Variants in DLC1 observed in about 807,000 individuals in gnomAD.
The protein encoded by DLC1 is DLC1 Rho GTPase activating protein, also known as rho GTPase-activating protein 7.
A neutral mutation model predicts 140.3 loss-of-function variants in DLC1; 54 were observed. The ratio of observed to expected loss-of-function variants is 0.38; its 90% CI spans 0.31 to 0.48. DLC1 has a LOEUF of 0.48. Ranked by LOEUF, DLC1 falls within the 20% of genes least tolerant of loss-of-function variation. DLC1 has a pLI of 0.96. For missense variants in DLC1, 2,536 were observed against 1,907.0 expected, an observed-to-expected ratio of 1.33 and a Z score of -6.14; for synonymous variants, 986 against 728.1, an observed-to-expected ratio of 1.35 and a Z score of -5.70.
At chr8:13,531,301 T>G (rs1803089413) in intron 1 of DLC1, among the ~76,000 whole-genome samples, 1 of 152,176 alleles carries the variant, frequency 6.6e-6, no homozygotes, top group African/African-American at 2.4e-5. Context: ...AACTTAATGC[T>G]AGTCCCAGGC....
At chr8:13,508,108 G>T (rs990735424) in intron 1 of DLC1, among the ~76,000 whole-genome samples, 1 of 152,116 alleles carries the variant, frequency 6.6e-6, no homozygotes, top group African/African-American at 2.4e-5. Flanking sequence ...TTATTTCAGC[G>T]GTGCTCTATT....
At chr8:13,502,912 C>G (rs1332406614) in intron 1 of DLC1, among the ~76,000 whole-genome samples, 1 of 152,088 alleles carries the variant, frequency 6.6e-6, no homozygotes, top group Non-Finnish European at 1.5e-5. Context: ...TTCTTAAATT[C>G]ATGTGTTCAA....
intron 5 of DLC1, among the ~76,000 whole-genome samples, chr8:13,213,802 G>C (rs1828060495): frequency 6.7e-6 from 1 of 148,954 alleles, no homozygotes; most frequent in African/African-American, 2.5e-5. Flanking sequence ...TTTTTTTTTG[G>C]AGACAGGGTC....
At chr8:13,508,441 G>A (rs1294772867) in intron 1 of DLC1, among the ~76,000 whole-genome samples, 1 of 148,084 alleles carries the variant, frequency 6.8e-6, no homozygotes, top group African/African-American at 2.5e-5. Flanking sequence ...TTTTTGAGAC[G>A]GAGTCTCGCT....
chr8:13,586,496 T>C (rs1805316523), intron 1 of DLC1, among the ~76,000 whole-genome samples: 2 of 152,032 alleles, frequency 1.3e-5, no homozygotes, highest in African/African-American at 4.8e-5. Context: ...GAGAGCATAG[T>C]AATTTCTTTT....
intron 2 of DLC1, among the ~76,000 whole-genome samples, chr8:13,406,117 C>G (rs528880592): frequency 1.3e-4 from 19 of 149,184 alleles, no homozygotes; most frequent in African/African-American, 4.4e-4. Flanking sequence ...AGCGATTCTC[C>G]TGCCTCAGCC....
intron 2 of DLC1, among the ~76,000 whole-genome samples, chr8:13,495,989 A>G (rs952891310): frequency 6.6e-6 from 1 of 152,236 alleles, no homozygotes; most frequent in African/African-American, 2.4e-5. Flanking sequence ...TTACAATTCC[A>G]TAACTAAAAT....
At chr8:13,351,667 T>C (rs552751647) in intron 4 of DLC1, among the ~76,000 whole-genome samples, 7 of 152,214 alleles carry the variant, frequency 4.6e-5, no homozygotes, top group Non-Finnish European at 8.8e-5. Flanking sequence ...AACAGCAGAA[T>C]TGAATACGTG....
intron 4 of DLC1, among the ~76,000 whole-genome samples, chr8:13,345,393 G>T (rs985868974): frequency 2.0e-5 from 3 of 151,928 alleles, no homozygotes; most frequent in African/African-American, 7.3e-5. Context: ...GATTCTCCTT[G>T]AATCAATAGA....
At position 13,090,242 on chromosome 8, in the gene DLC1, G is replaced by C. The variant is rs1817932310; in HGVS notation, c.4074+10C>G. On this transcript the variant is annotated intron_variant, in intron 15 of 17. Transcript: ENST00000276297. ...GGACTCAACTAGCCGACAACAGGGT[G>C]AAGCCTTACCTTCTTATAGGACAGC... 3.7e-6 allele frequency: 6 copies of C among 1,612,272 alleles called. No individual in the cohort carries two copies. The highest frequency in any genetic ancestry group is 5.1e-6 in the Non-Finnish European group (6 of 1,179,164).
intron 5 of DLC1, among the ~76,000 whole-genome samples, chr8:13,119,426 C>T (rs1820847863): frequency 6.6e-6 from 1 of 152,104 alleles, no homozygotes; most frequent in South Asian, 2.1e-4. Flanking sequence ...ACTCATCCTT[C>T]AAGATCCCAA....
rs530299085 is a variant in DLC1 at position 13,599,506 on chromosome 8, AT to A, written c.-126+5030del. Reference sequence around the variant, plus strand: ...ATGAATAAAAAGACAGAGTGCCCTAATTTCTTTTGTAAGTTTATTACCAAAT... The same window carrying A: ...ATGAATAAAAAGACAGAGTGCCCTAATTCTTTTGTAAGTTTATTACCAAAT... On this transcript the variant is annotated intron_variant, in intron 1 of 1. Coordinates refer to the DLC1 transcript ENST00000631382. 3.1e-3 allele frequency among the ~76,000 whole-genome samples: 468 copies of A among 152,052 alleles called. 3 individuals carry two copies. Among genetic ancestry groups the A allele is most frequent in the African/African-American group, 0.011 (445 of 41,530 alleles).
At chr8:13,383,417 C>T (rs964086985) in intron 4 of DLC1, among the ~76,000 whole-genome samples, 3 of 152,134 alleles carry the variant, frequency 2.0e-5, no homozygotes, top group Non-Finnish European at 4.4e-5. Flanking sequence ...AGGAAGTGCA[C>T]CTGAGACCTG....
At chr8:13,506,125 C>T (rs1190922137) in intron 1 of DLC1, among the ~76,000 whole-genome samples, 1 of 151,340 alleles carries the variant, frequency 6.6e-6, no homozygotes, top group African/African-American at 2.4e-5. Flanking sequence ...ATACATAAAG[C>T]AGTCCTTTGA....
chr8:13,124,136 T>C (rs1050369159), intron 5 of DLC1, among the ~76,000 whole-genome samples: 1 of 152,216 alleles, frequency 6.6e-6, no homozygotes, highest in Non-Finnish European at 1.5e-5. Flanking sequence ...TTCTCATGCA[T>C]AGTTTTTCTT....
rs1563454007 is a variant in DLC1 at position 13,579,350 on chromosome 8, TA to T, written c.-126+25186del. Among the ~76,000 whole-genome samples the T allele has an allele frequency of 6.9e-4, 23 of 33,190 alleles. 3 individuals carry two copies. Among genetic ancestry groups the T allele is most frequent in the African/African-American group, 2.3e-3 (17 of 7,432 alleles). The allele number at this position is 33,190 out of a possible 152,430, so 21.8% of individuals were successfully genotyped here. ...ATATATATATATATATATATATATA[TA>T]TATATATATATTTTTATATAATACA... On this transcript the variant is annotated intron_variant, in intron 1 of 1. Transcript: ENST00000631382.
chr8:13,401,221 G>A (rs1206886608), intron 3 of DLC1, among the ~76,000 whole-genome samples: 2 of 152,172 alleles, frequency 1.3e-5, no homozygotes, highest in Non-Finnish European at 2.9e-5. Flanking sequence ...TTCCTAAGGT[G>A]ACTTTCCTTC....
intron 5 of DLC1, among the ~76,000 whole-genome samples, chr8:13,213,139 A>T (rs1828024518): frequency 6.6e-6 from 1 of 152,234 alleles, no homozygotes; most frequent in Non-Finnish European, 1.5e-5. Context: ...TGATAATATC[A>T]ACATTAAATA....
At chr8:13,389,776 T>C (rs867590401) in intron 4 of DLC1, among the ~76,000 whole-genome samples, 4 of 152,276 alleles carry the variant, frequency 2.6e-5, no homozygotes, top group Middle Eastern at 3.4e-3. Flanking sequence ...TGGTTGTTAC[T>C]GTGGTCACTA....
Sources: allele counts gnomAD v4.1 joint callset (sites outside exome capture counted in the v4.1 genomes callset), GRCh38; gene constraint gnomAD v4.1.1; transcripts MANE v1.5; gene names NCBI Gene and HGNC (gene_info 2026-07-23, HGNC 2026-07-21).